LPP: variants seen among roughly 807,000 people sequenced by gnomAD.
The protein encoded by LPP is lipoma-preferred partner.
Under a neutral mutation model 60.4 loss-of-function variants are expected in LPP, and 38 were observed. That is an observed-to-expected ratio of 0.63 (90% CI 0.49 to 0.83). The LOEUF (loss-of-function observed/expected upper bound fraction) is 0.83, where lower values mean the gene tolerates loss of function less well. Ranked by LOEUF, LPP falls within the 40% of genes least tolerant of loss-of-function variation. LPP has a pLI of 0.00. For synonymous variants in LPP, 328 were observed against 290.8 expected (o/e 1.13, Z -1.30); for missense variants, 902 against 783.6 (o/e 1.15, Z -1.80).
At chr3:188,819,120 G>A (rs961211766) in intron 9 of LPP, among the ~76,000 whole-genome samples, 1 of 151,246 alleles carries the variant, frequency 6.6e-6, no homozygotes, top group Non-Finnish European at 1.5e-5. Flanking sequence ...TATTTGATTA[G>A]TCAGGTCTTA....
At chr3:188,625,864 A>C (rs1354143259) in intron 7 of LPP, among the ~76,000 whole-genome samples, 1 of 152,214 alleles carries the variant, frequency 6.6e-6, no homozygotes, top group Admixed American at 6.5e-5. Flanking sequence ...AAATGATTCA[A>C]GTCTGTTAAC....
intron 2 of LPP, among the ~76,000 whole-genome samples, chr3:188,310,495 C>T (rs186143430): frequency 3.3e-5 from 5 of 152,222 alleles, no homozygotes; most frequent in African/African-American, 1.2e-4. Flanking sequence ...TTTGCTGACA[C>T]ATGAAATAAT....
chr3:188,366,061 C>T (rs1475269769), intron 3 of LPP, among the ~76,000 whole-genome samples: 1 of 152,146 alleles, frequency 6.6e-6, no homozygotes, highest in African/African-American at 2.4e-5. Context: ...CCCCTGGTCC[C>T]GGTAGCCATC....
chr3:188,849,259 G>A (rs903933607), intron 9 of LPP, among the ~76,000 whole-genome samples: 1 of 152,142 alleles, frequency 6.6e-6, no homozygotes, highest in Non-Finnish European at 1.5e-5. Flanking sequence ...GAACAAAGTT[G>A]CATAGCTGCA....
intron 8 of LPP, among the ~76,000 whole-genome samples, chr3:188,739,202 A>G (rs9881900): frequency 0.2 from 30,579 of 152,086 alleles, 3,750 homozygotes; most frequent in Middle Eastern, 0.42. Context: ...AACCCTATGA[A>G]AAAATGGACC....
At chr3:188,873,415 A>G (rs1354688533) in intron 11 of LPP, among the ~76,000 whole-genome samples, 1 of 152,236 alleles carries the variant, frequency 6.6e-6, no homozygotes, top group East Asian at 1.9e-4. Context: ...TACTAAAGTT[A>G]GCAAACACAC....
At chr3:188,370,267 A>G (rs1035645972) in intron 3 of LPP, among the ~76,000 whole-genome samples, 5 of 152,112 alleles carry the variant, frequency 3.3e-5, no homozygotes, top group Admixed American at 2.6e-4. Context: ...AACTGAGTAC[A>G]GTCATTAGTT....
At chr3:188,175,402 A>C (rs1037613166) in intron 1 of LPP, among the ~76,000 whole-genome samples, 4 of 152,148 alleles carry the variant, frequency 2.6e-5, no homozygotes, top group African/African-American at 9.7e-5. Context: ...GTAGAATTTT[A>C]ACTTGCTTAT....
chr3:188,254,851 TA>T, intron 2 of LPP, among the ~76,000 whole-genome samples: 1 of 152,152 alleles, frequency 6.6e-6, no homozygotes, highest in African/African-American at 2.4e-5. Context: ...CAGGAATGGA[TA>T]CCTAAATATT....
intron 7 of LPP, among the ~76,000 whole-genome samples, chr3:188,632,378 C>T (rs975496744): frequency 6.6e-6 from 1 of 152,114 alleles, no homozygotes; most frequent in Non-Finnish European, 1.5e-5. Flanking sequence ...CCTATAGGAC[C>T]GGTAGGATAG....
At chr3:188,767,158 G>A (rs1734414659) in intron 9 of LPP, among the ~76,000 whole-genome samples, 1 of 152,078 alleles carries the variant, frequency 6.6e-6, no homozygotes. Context: ...GAAAAGCAAT[G>A]AAGTAATAAA....
At chr3:188,465,789 C>A (rs1231738351) in intron 4 of LPP, among the ~76,000 whole-genome samples, 1 of 152,038 alleles carries the variant, frequency 6.6e-6, no homozygotes. Flanking sequence ...CTCTTGTTTT[C>A]CATGGTGGGA....
intron 9 of LPP, among the ~76,000 whole-genome samples, chr3:188,809,599 G>A (rs1750265832): frequency 6.6e-6 from 1 of 152,136 alleles, no homozygotes; most frequent in Non-Finnish European, 1.5e-5. Flanking sequence ...CAGATGGATA[G>A]ATTGCAAAAA....
chr3:188,452,476 C>T (rs1240944169), intron 4 of LPP, among the ~76,000 whole-genome samples: 2 of 152,206 alleles, frequency 1.3e-5, no homozygotes, highest in African/African-American at 4.8e-5. Flanking sequence ...TTCACAATTC[C>T]TTAAGAATTT....
intron 7 of LPP, among the ~76,000 whole-genome samples, chr3:188,693,609 G>T (rs781580963): frequency 1.3e-5 from 2 of 152,060 alleles, no homozygotes; most frequent in Non-Finnish European, 2.9e-5. Context: ...TTTGTTTGTC[G>T]AGGAAAAGGA....
intron 1 of LPP, among the ~76,000 whole-genome samples, chr3:188,215,528 G>A (rs115579687): frequency 3.2e-4 from 49 of 152,206 alleles, no homozygotes; most frequent in African/African-American, 1.1e-3. Flanking sequence ...GAATCATACC[G>A]TATTTGTCTT....
chr3:188,241,038 C>G (rs532710997), intron 2 of LPP, among the ~76,000 whole-genome samples: 1 of 152,218 alleles, frequency 6.6e-6, no homozygotes, highest in African/African-American at 2.4e-5. Flanking sequence ...TTAGAGGTAG[C>G]AAGACAGTGA....
At chr3:188,512,207 A>G (rs1323185698) in intron 5 of LPP, among the ~76,000 whole-genome samples, 4 of 152,196 alleles carry the variant, frequency 2.6e-5, no homozygotes, top group African/African-American at 9.7e-5. Flanking sequence ...AACATCTTTT[A>G]TCTGCACATC....
In LPP at chr3:188,408,455, T is replaced by A. The variant is rs191176401; in HGVS notation, c.193+2142T>A. Among the ~76,000 whole-genome samples, 5 of 152,298 alleles carry A rather than the reference T, an allele frequency of 3.3e-5. No homozygotes were observed. The East Asian group carries it at 9.7e-4, about 29-fold the overall frequency. ...TACTCTCTAGGAACACTGAAGTGAT[T>A]TGTTTGCGTGCCCTGCAGCACAGTC... is the stretch of plus-strand genomic sequence containing the variant. On this transcript the variant is annotated intron_variant, in intron 4 of 11. Coordinates refer to ENST00000617246, the MANE Select transcript of LPP (RefSeq NM_001375462.1).
Sources: gnomAD v4.1 joint callset for allele counts (sites outside exome capture counted in the v4.1 genomes callset) on GRCh38, gnomAD v4.1.1 for gene constraint, MANE v1.5 for transcripts, NCBI Gene and HGNC (gene_info 2026-07-23, HGNC 2026-07-21) for gene names.